The following CCNJL variants were observed in gnomAD, a reference collection of about 807,000 sequenced individuals.
CCNJL encodes the protein cyclin-J-like protein.
CCNJL carries 33 observed loss-of-function variants against 33.4 expected under a neutral mutation model. That is an observed-to-expected ratio of 0.99 (90% CI 0.75 to 1.32). CCNJL has a LOEUF of 1.32. CCNJL is among the 40% of genes most tolerant of loss of function. The pLI is 0.00. For synonymous variants in CCNJL, 227 were observed against 220.9 expected (o/e 1.03, Z -0.24); for missense variants, 512 against 499.7 (o/e 1.02, Z -0.23).
At position 160,320,850 on chromosome 5, in the gene CCNJL, C is replaced by CTTCTTTCTTTCTTTCTTTCT. The variant is rs1189140816; in HGVS notation, n.207-5365_207-5346dup. Among the ~76,000 whole-genome samples, 99 of 55,574 alleles carry CTTCTTTCTTTCTTTCTTTCT rather than the reference C, an allele frequency of 1.8e-3. 1 individual carries two copies. The highest frequency in any genetic ancestry group is 5.2e-3 in the African/African-American group (88 of 16,844). 36.5% of individuals were successfully genotyped at this position (55,574 alleles called of 152,430 possible). The stretch of plus-strand genomic sequence containing the variant: ...CTTTCTTTCTTTCTTTCTTTCTTTC[C>CTTCTTTCTTTCTTTCTTTCT]TTCTTTCTTTCTTTCTTTCTCTCTT... On this transcript the variant is annotated intron_variant and non_coding_transcript_variant, in intron 1 of 7. Transcript: ENST00000377503.
At chr5:160,320,829 CTTT>C (rs1561812453) in intron 1 of CCNJL, among the ~76,000 whole-genome samples, 61 of 119,744 alleles carry the variant, frequency 5.1e-4, no homozygotes, top group African/African-American at 1.1e-3. Context: ...TTCTTTCTTT[CTTT>C]CTTTCTTTCT....
At chr5:160,307,546 C>T (rs543442958) in intron 2 of CCNJL, among the ~76,000 whole-genome samples, 8 of 152,240 alleles carry the variant, frequency 5.3e-5, no homozygotes, top group African/African-American at 1.9e-4. Context: ...CAAATGGCCC[C>T]GAGTTTTAAT....
intron 3 of CCNJL, among the ~76,000 whole-genome samples, chr5:160,268,201 T>C (rs550505949): frequency 1.3e-5 from 2 of 152,310 alleles, no homozygotes; most frequent in Non-Finnish European, 1.5e-5. Flanking sequence ...TTTTGAGCAA[T>C]TGATGGAGAG....
At chr5:160,331,091 A>G (rs372984567) in intron 1 of CCNJL, among the ~76,000 whole-genome samples, 12 of 152,100 alleles carry the variant, frequency 7.9e-5, no homozygotes, top group African/African-American at 2.7e-4. Context: ...TGCACCATCC[A>G]TGGTCTCAGC....
At position 160,279,572 on chromosome 5, in the gene CCNJL, A is replaced by G. The variant is rs535422826; in HGVS notation, c.280+953T>C. 3.9e-4 allele frequency among the ~76,000 whole-genome samples: 59 copies of G among 152,336 alleles called. No individual in the cohort carries two copies. The South Asian group carries it at 0.011, about 29-fold the overall frequency. On this transcript the variant is annotated intron_variant, in intron 3 of 5. Transcript: ENST00000257536. ...AGCACATGACGCTGAGGGTCTGCAT[A>G]CTTGGGAGACCTCACCTGCTGAGGG...
chr5:160,292,107 G>A (rs1762606369), intron 2 of CCNJL, among the ~76,000 whole-genome samples: 1 of 152,082 alleles, frequency 6.6e-6, no homozygotes, highest in African/African-American at 2.4e-5. Context: ...CTTCCTCCGT[G>A]GAAACCCTCT....
At chr5:160,295,514 A>G (rs1435725956) in intron 2 of CCNJL, among the ~76,000 whole-genome samples, 7 of 152,120 alleles carry the variant, frequency 4.6e-5, no homozygotes, top group Middle Eastern at 3.2e-3. Flanking sequence ...AAGAAAATAG[A>G]GTCTTTACAG....
At chr5:160,264,136 A>G (rs2113266659) in intron 3 of CCNJL, among the ~76,000 whole-genome samples, 2 of 152,230 alleles carry the variant, frequency 1.3e-5, no homozygotes, top group East Asian at 3.9e-4. Flanking sequence ...AGTAGAGCCC[A>G]GGCTGGTCGA....
upstream of CCNJL, among the ~76,000 whole-genome samples, chr5:160,316,215 A>G (rs956631828): frequency 2.0e-5 from 3 of 152,158 alleles, no homozygotes; most frequent in Non-Finnish European, 2.9e-5. Flanking sequence ...GGAAGTACCA[A>G]TGCAACTGGA....
intron 3 of CCNJL, among the ~76,000 whole-genome samples, chr5:160,267,630 GGA>G (rs1440324287): frequency 6.6e-6 from 1 of 152,164 alleles, no homozygotes; most frequent in Non-Finnish European, 1.5e-5. Context: ...CTATCTGGGT[GGA>G]GGAACTTCCA....
At chr5:160,287,696 CAA>C (rs1228712457) in intron 2 of CCNJL, among the ~76,000 whole-genome samples, 2 of 152,244 alleles carry the variant, frequency 1.3e-5, no homozygotes, top group African/African-American at 4.8e-5. Flanking sequence ...ATTCCAGAAA[CAA>C]AAGAGCAGCC....
intron 2 of CCNJL, among the ~76,000 whole-genome samples, chr5:160,309,092 T>C (rs558080134): frequency 2.0e-5 from 3 of 152,276 alleles, no homozygotes; most frequent in South Asian, 2.1e-4. Context: ...TTCCACGCAG[T>C]GGTAAGGACT....
At chr5:160,254,137 C>T (rs1056640497) in intron 5 of CCNJL, 14 of 464,334 alleles carry the variant, frequency 3.0e-5, no homozygotes, top group African/African-American at 6.0e-5. Context: ...ACCTGGCTTC[C>T]AGGAGGATGG....
Position 160,255,623 on chromosome 5 carries a change from G to A in CCNJL, c.669C>T (p.Tyr223=). 6.2e-7 allele frequency: 1 copy of A among 1,614,150 alleles called. No individual in the cohort carries two copies. Residue 223 remains tyrosine (Y), a synonymous_variant, in exon 5 of 6, where the codon TAC becomes TAT. Transcript: ENST00000257536. ...ASRICLQLSP[Y]WTRDLQRISS... The stretch of plus-strand genomic sequence containing the variant: ...AGATCCTCTGCAGGTCTCTGGTCCA[G>A]TAGGGAGAAAGCTGCAGGCAAATCC...
intron 2 of CCNJL, among the ~76,000 whole-genome samples, chr5:160,289,068 AC>A (rs1223876652): frequency 2.0e-5 from 3 of 152,126 alleles, no homozygotes; most frequent in African/African-American, 7.2e-5. Flanking sequence ...ACGTCATCAA[AC>A]CCAGATTTTG....
chr5:160,317,847 C>T (rs536725039), upstream of CCNJL, among the ~76,000 whole-genome samples: 7 of 152,160 alleles, frequency 4.6e-5, no homozygotes, highest in Admixed American at 3.3e-4. Flanking sequence ...CCTCTGAAAA[C>T]TCTAAGGAAA....
chr5:160,298,231 G>T lies in CCNJL; in HGVS notation c.66+13627C>A, dbSNP rs117258645. Among the ~76,000 whole-genome samples the T allele has an allele frequency of 2.0e-5, 3 of 152,216 alleles. No individual in the cohort carries two copies. The East Asian group carries it at 5.8e-4, about 29-fold the overall frequency. ...ATGTTGAGGCCGGGCGTGGTGGTGC[G>T]CACCTGTAATCCCAGCTACTCAGAA... On this transcript the variant is annotated intron_variant, in intron 2 of 5. Coordinates refer to ENST00000257536, the MANE Select transcript of CCNJL (RefSeq NM_001308173.3).
At chr5:160,301,235 G>A (rs1256427406) in intron 2 of CCNJL, among the ~76,000 whole-genome samples, 6 of 152,122 alleles carry the variant, frequency 3.9e-5, no homozygotes, top group Admixed American at 3.3e-4. Context: ...TAGACACAAC[G>A]ACATGGATGA....
At chr5:160,266,537 C>T (rs749118499) in intron 3 of CCNJL, among the ~76,000 whole-genome samples, 1 of 152,174 alleles carries the variant, frequency 6.6e-6, no homozygotes, top group African/African-American at 2.4e-5. Flanking sequence ...TGCCAGTTTC[C>T]CATCCTCACT....
Sources: gnomAD v4.1 joint callset for allele counts (sites outside exome capture counted in the v4.1 genomes callset) on GRCh38, gnomAD v4.1.1 for gene constraint, MANE v1.5 for transcripts, NCBI Gene and HGNC (gene_info 2026-07-23, HGNC 2026-07-21) for gene names.